Variants in PALLD observed in about 807,000 individuals in gnomAD.
PALLD encodes palladin.
Under a neutral mutation model 123.5 loss-of-function variants are expected in PALLD, and 61 were observed. The observed-to-expected ratio is 0.49, with a 90% CI of 0.40 to 0.61. The LOEUF (loss-of-function observed/expected upper bound fraction) is 0.61. Ranked by LOEUF, PALLD falls within the 20% of genes least tolerant of loss-of-function variation. The pLI, the probability that PALLD is intolerant of heterozygous loss-of-function variation, is 0.00. For synonymous variants in PALLD, 465 were observed against 496.4 expected, an observed-to-expected ratio of 0.94 and a Z score of 0.84; for missense variants, 1,273 against 1,377.0, an observed-to-expected ratio of 0.92 and a Z score of 1.20.
intron 1 of PALLD, among the ~76,000 whole-genome samples, chr4:168,500,198 C>T (rs1041246455): frequency 1.3e-5 from 2 of 152,208 alleles, no homozygotes; most frequent in African/African-American, 2.4e-5. Flanking sequence ...TATGTAGGAA[C>T]AACTTGCATT....
intron 10 of PALLD, among the ~76,000 whole-genome samples, chr4:168,773,846 A>G (rs1232767272): frequency 2.0e-5 from 3 of 152,130 alleles, no homozygotes; most frequent in Non-Finnish European, 2.9e-5. Context: ...CCAACTTCAG[A>G]TAGCATTTAG....
At chr4:168,807,819 C>A (rs532912857) in intron 10 of PALLD, among the ~76,000 whole-genome samples, 151 of 152,276 alleles carry the variant, frequency 9.9e-4, no homozygotes, top group African/African-American at 3.4e-3. Flanking sequence ...GATTCTCCTG[C>A]CTCAGCCTCC....
rs1766021355 is a variant in PALLD at position 168,545,202 on chromosome 4, A to C, written c.908+32790A>C. On this transcript the variant is annotated intron_variant, in intron 2 of 21. Coordinates refer to ENST00000505667, the MANE Select transcript of PALLD (RefSeq NM_001166108.2). ...TCTCTAAAGCCTGAGTCCTTAGTGT[A>C]AATGACTATTTCCTTTACTCTCTTT... 2.0e-5 allele frequency among the ~76,000 whole-genome samples: 3 copies of C among 152,182 alleles called. No homozygotes were observed. The South Asian group carries it at 6.2e-4, about 31-fold the overall frequency.
chr4:168,883,511 T>C (rs1752916063), intron 10 of PALLD, among the ~76,000 whole-genome samples: 2 of 152,214 alleles, frequency 1.3e-5, no homozygotes, highest in Non-Finnish European at 2.9e-5. Context: ...CTTTAATCAA[T>C]ATTGTGCTCT....
Position 168,711,564 on chromosome 4 carries a change from T to G in PALLD, c.1622-17T>G. ...GTGGCATCTTCTTATGTTTTTCCTC[T>G]CTTTCCCCTTCCTTAGCCAACACTG... On this transcript the variant is annotated splice_polypyrimidine_tract_variant and intron_variant, in intron 9 of 21. Coordinates refer to ENST00000505667, the MANE Select transcript of PALLD (RefSeq NM_001166108.2). 6.3e-7 allele frequency: 1 copy of G among 1,577,734 alleles called. No homozygotes were observed.
intron 10 of PALLD, among the ~76,000 whole-genome samples, chr4:168,734,641 C>T (rs1344110684): frequency 6.6e-6 from 1 of 152,110 alleles, no homozygotes; most frequent in Admixed American, 6.6e-5. Context: ...CTGCTGTAAA[C>T]GTTTTTAAAA....
chr4:168,531,805 C>G (rs948242637), intron 2 of PALLD, among the ~76,000 whole-genome samples: 1 of 152,172 alleles, frequency 6.6e-6, no homozygotes, highest in Non-Finnish European at 1.5e-5. Context: ...AACAGAGAAC[C>G]ACTCTATCCC....
chr4:168,798,284 C>T (rs1195467680), intron 10 of PALLD, among the ~76,000 whole-genome samples: 1 of 151,916 alleles, frequency 6.6e-6, no homozygotes, highest in Non-Finnish European at 1.5e-5. Context: ...AATAAGAATG[C>T]CACTAGGAGA....
chr4:168,648,426 C>G (rs1307889335), intron 2 of PALLD: 3 of 152,108 alleles, frequency 2.0e-5, no homozygotes, highest in African/African-American at 4.8e-5. Flanking sequence ...TAAGTGAAAG[C>G]TTTTTCGGTC....
chr4:168,738,133 T>C (rs967444815), intron 10 of PALLD, among the ~76,000 whole-genome samples: 8 of 151,802 alleles, frequency 5.3e-5, no homozygotes, highest in African/African-American at 1.7e-4. Context: ...CAGAAACTGA[T>C]GTGAAAAAGG....
intron 10 of PALLD, among the ~76,000 whole-genome samples, chr4:168,747,642 G>A (rs1164569378): frequency 3.3e-5 from 5 of 152,162 alleles, no homozygotes; most frequent in South Asian, 2.1e-4. Flanking sequence ...TAAAGCCATG[G>A]GATATGGAGT....
At chr4:168,759,077 G>A (rs1484995418) in intron 10 of PALLD, among the ~76,000 whole-genome samples, 2 of 149,432 alleles carry the variant, frequency 1.3e-5, no homozygotes, top group Non-Finnish European at 3.0e-5. Context: ...TACTCAGGAG[G>A]CTGAGGCAGG....
intron 17 of PALLD, among the ~76,000 whole-genome samples, chr4:168,920,355 A>G (rs952562134): frequency 6.6e-6 from 1 of 152,232 alleles, no homozygotes; most frequent in African/African-American, 2.4e-5. Context: ...GGTGGGAGGC[A>G]TCTTGCAGGT....
intron 10 of PALLD, among the ~76,000 whole-genome samples, chr4:168,759,394 A>G (rs990031743): frequency 2.0e-5 from 3 of 151,634 alleles, no homozygotes; most frequent in African/African-American, 7.3e-5. Context: ...TATTTATAAA[A>G]TATGAATTCA....
chr4:168,903,316 T>C (rs1189958543), intron 14 of PALLD, among the ~76,000 whole-genome samples: 2 of 152,158 alleles, frequency 1.3e-5, no homozygotes, highest in East Asian at 3.9e-4. Context: ...TCTGCTTTTG[T>C]TCTCCAAAAC....
chr4:168,907,070 G>C (rs972176251), intron 15 of PALLD, among the ~76,000 whole-genome samples: 1 of 151,956 alleles, frequency 6.6e-6, no homozygotes, highest in African/African-American at 2.4e-5. Context: ...TGTGACCTTA[G>C]CAAGTCACTT....
At chr4:168,831,407 A>G (rs1449228790) in intron 10 of PALLD, among the ~76,000 whole-genome samples, 1 of 152,010 alleles carries the variant, frequency 6.6e-6, no homozygotes, top group African/African-American at 2.4e-5. Flanking sequence ...CAAATGCTTT[A>G]CTCTTCTCAC....
chr4:168,660,818 C>T (rs1244222740), intron 2 of PALLD, among the ~76,000 whole-genome samples: 1 of 151,980 alleles, frequency 6.6e-6, no homozygotes, highest in Non-Finnish European at 1.5e-5. Context: ...GTATTATATC[C>T]AAAGAAACTT....
intron 10 of PALLD, among the ~76,000 whole-genome samples, chr4:168,761,638 G>GTTTTTTT (rs1236899227): frequency 5.1e-5 from 1 of 19,548 alleles, no homozygotes; most frequent in African/African-American, 1.8e-4. Context: ...TTTTGTTGTT[G>GTTTTTTT]TTGTTTGTTT....
Sources: allele counts gnomAD v4.1 joint callset (sites outside exome capture counted in the v4.1 genomes callset), GRCh38; gene constraint gnomAD v4.1.1; transcripts MANE v1.5; gene names NCBI Gene and HGNC (gene_info 2026-07-23, HGNC 2026-07-21).